MEGF11: variants seen among roughly 807,000 people sequenced by gnomAD.
The protein encoded by MEGF11 is multiple epidermal growth factor-like domains protein 11.
MEGF11 carries 126 observed loss-of-function variants against 146.6 expected under a neutral mutation model. That is an observed-to-expected ratio of 0.86 (90% CI 0.74 to 1.00). The LOEUF (loss-of-function observed/expected upper bound fraction) is 1.00, where lower values mean the gene tolerates loss of function less well. Among genes scored for constraint, MEGF11 ranks in the 50% least tolerant of loss-of-function variants. MEGF11 has a pLI of 0.00. For missense variants in MEGF11, 1,509 were observed against 1,521.2 expected (o/e 0.99, Z 0.13); for synonymous variants, 532 against 583.4 (o/e 0.91, Z 1.27).
At chr15:66,242,902 A>G (rs935967882) in intron 1 of MEGF11, among the ~76,000 whole-genome samples, 1 of 152,188 alleles carries the variant, frequency 6.6e-6, no homozygotes, top group African/African-American at 2.4e-5. Context: ...GAGGAAGGAA[A>G]TCATTTATTT....
At chr15:65,953,927 T>A (rs1230517130) in intron 10 of MEGF11, among the ~76,000 whole-genome samples, 1 of 151,658 alleles carries the variant, frequency 6.6e-6, no homozygotes, top group Non-Finnish European at 1.5e-5. Flanking sequence ...GCCCCTAGAG[T>A]CTACTTTCAT....
chr15:66,090,696 C>G (rs929213691), intron 5 of MEGF11, among the ~76,000 whole-genome samples: 2 of 152,244 alleles, frequency 1.3e-5, no homozygotes, highest in Non-Finnish European at 2.9e-5. Flanking sequence ...GAATCAGAAA[C>G]AACCTCAATG....
intron 4 of MEGF11, among the ~76,000 whole-genome samples, chr15:66,104,042 C>T (rs1362672667): frequency 2.0e-5 from 3 of 152,226 alleles, no homozygotes; most frequent in Non-Finnish European, 2.9e-5. Context: ...GAGTGAAATG[C>T]ATTACTGCAA....
At chr15:65,994,330 C>T (rs555811840) in intron 5 of MEGF11, among the ~76,000 whole-genome samples, 7 of 152,292 alleles carry the variant, frequency 4.6e-5, no homozygotes, top group African/African-American at 1.7e-4. Flanking sequence ...TCCTAAGGGA[C>T]TTTCTGCCTG....
At chr15:66,028,708 T>C (rs1391079382) in intron 5 of MEGF11, among the ~76,000 whole-genome samples, 1 of 152,252 alleles carries the variant, frequency 6.6e-6, no homozygotes, top group Non-Finnish European at 1.5e-5. Context: ...CACTATTATG[T>C]AGCCATTTAA....
chr15:66,177,569 GT>G (rs1489177635), intron 1 of MEGF11, among the ~76,000 whole-genome samples: 1 of 149,534 alleles, frequency 6.7e-6, no homozygotes, highest in South Asian at 2.1e-4. Flanking sequence ...GGCTGTTTTT[GT>G]TTTTTTTTAA....
intron 1 of MEGF11, among the ~76,000 whole-genome samples, chr15:66,171,508 G>A (rs577245121): frequency 1.6e-4 from 24 of 152,120 alleles, no homozygotes; most frequent in Non-Finnish European, 3.4e-4. Flanking sequence ...ACATGGGTGG[G>A]GGTCCCTGAA....
chr15:65,970,019 A>G (rs970815905), intron 8 of MEGF11, among the ~76,000 whole-genome samples: 15 of 147,592 alleles, frequency 1.0e-4, no homozygotes, highest in African/African-American at 3.6e-4. Flanking sequence ...ACACATGGCA[A>G]TTCCCCAGTT....
intron 1 of MEGF11, among the ~76,000 whole-genome samples, chr15:66,204,527 G>C (rs16949689): frequency 0.15 from 22,622 of 152,172 alleles, 2,862 homozygotes; most frequent in African/African-American, 0.35. Context: ...GGTAGAAAAG[G>C]CATGTGCACT....
In MEGF11 at chr15:66,225,281, G is replaced by A. The variant is rs778441902; in HGVS notation, c.-9+28324C>T. 1.2e-4 allele frequency among the ~76,000 whole-genome samples: 19 copies of A among 152,234 alleles called. No homozygotes were observed. In the South Asian group the frequency reaches 1.9e-3, roughly 15 times the overall value. On this transcript the variant is annotated intron_variant, in intron 1 of 25. Transcript: ENST00000395614. ...ATCCTGGGGAAGAGGCAGCAGCCCTGCCTGAAAAAGAGGCCTCTTCAGCAT... is the reference window on the plus strand; with the variant it reads ...ATCCTGGGGAAGAGGCAGCAGCCCTACCTGAAAAAGAGGCCTCTTCAGCAT...
intron 1 of MEGF11, among the ~76,000 whole-genome samples, chr15:66,247,270 T>G (rs2092309311): frequency 6.6e-6 from 1 of 152,200 alleles, no homozygotes. Flanking sequence ...GATGGTCTAG[T>G]CCTCACATGT....
chr15:66,092,803 C>A (rs982454599), intron 5 of MEGF11, among the ~76,000 whole-genome samples: 6 of 152,218 alleles, frequency 3.9e-5, no homozygotes, highest in Non-Finnish European at 7.3e-5. Flanking sequence ...GTATTTCAAC[C>A]TCCAATAGGC....
chr15:66,226,713 TA>T (rs779763139), intron 1 of MEGF11, among the ~76,000 whole-genome samples: 4 of 152,174 alleles, frequency 2.6e-5, no homozygotes, highest in Non-Finnish European at 4.4e-5. Flanking sequence ...ATAGTCTATA[TA>T]GGGGTCGGTA....
chr15:65,907,749 T>C (rs1370535659), intron 23 of MEGF11, among the ~76,000 whole-genome samples: 3 of 152,248 alleles, frequency 2.0e-5, no homozygotes, highest in African/African-American at 4.8e-5. Context: ...GTATTAACTT[T>C]TCCTTTTTAC....
chr15:66,220,068 G>A lies in MEGF11; in HGVS notation c.-9+33537C>T, dbSNP rs547473176. On this transcript the variant is annotated intron_variant, in intron 1 of 25. Coordinates refer to ENST00000395614, the MANE Select transcript of MEGF11 (RefSeq NM_001385028.1). ...CAATGACTGGTGTCCTTATGAGAAG[G>A]CCACGTGAAGACCATGTGCCAACAG... Among the ~76,000 whole-genome samples the A allele has an allele frequency of 1.4e-4, 21 of 152,182 alleles. 1 individual carries two copies. The South Asian group carries it at 3.9e-3, about 29-fold the overall frequency.
chr15:65,986,799 T>TTTTC (rs1282967941), intron 5 of MEGF11, among the ~76,000 whole-genome samples: 1 of 147,006 alleles, frequency 6.8e-6, no homozygotes, highest in African/African-American at 2.5e-5. Flanking sequence ...TTTCCTTTTT[T>TTTTC]TTTTTTTTTT....
intron 1 of MEGF11, among the ~76,000 whole-genome samples, chr15:66,224,441 G>A (rs1391590390): frequency 1.3e-5 from 2 of 151,746 alleles, no homozygotes; most frequent in African/African-American, 2.4e-5. Context: ...AAAACTAGCC[G>A]GGCATGGTGG....
intron 5 of MEGF11, among the ~76,000 whole-genome samples, chr15:66,090,659 A>G (rs954219861): frequency 1.3e-5 from 2 of 152,258 alleles, no homozygotes; most frequent in Non-Finnish European, 2.9e-5. Context: ...AATCTTGGAA[A>G]AAGGACGGTG....
intron 24 of MEGF11, among the ~76,000 whole-genome samples, chr15:65,900,821 A>G (rs2078477282): frequency 2.0e-5 from 3 of 152,192 alleles, no homozygotes; most frequent in South Asian, 4.1e-4. Flanking sequence ...CCTCTTTAGC[A>G]TATGACTCTA....
Sources: allele counts gnomAD v4.1 joint callset (sites outside exome capture counted in the v4.1 genomes callset), GRCh38; gene constraint gnomAD v4.1.1; transcripts MANE v1.5; gene names NCBI Gene and HGNC (gene_info 2026-07-23, HGNC 2026-07-21).